CCSER1: variants seen among roughly 807,000 people sequenced by gnomAD.
The protein encoded by CCSER1 is coiled-coil serine rich protein 1.
In CCSER1, 41 loss-of-function variants were observed where a neutral mutation model predicts 82.0. The ratio of observed to expected loss-of-function variants is 0.50; its 90% CI spans 0.39 to 0.65. The LOEUF (loss-of-function observed/expected upper bound fraction) is 0.65, where lower values mean the gene tolerates loss of function less well. Ranked by LOEUF, CCSER1 falls within the 30% of genes least tolerant of loss-of-function variation. The pLI, the probability that CCSER1 is intolerant of heterozygous loss-of-function variation, is 0.00. For missense variants in CCSER1, 1,119 were observed against 1,064.2 expected (o/e 1.05, Z -0.72); for synonymous variants, 414 against 383.9 (o/e 1.08, Z -0.92).
At chr4:90,904,029 C>T (rs1010572982) in intron 8 of CCSER1, among the ~76,000 whole-genome samples, 26 of 151,930 alleles carry the variant, frequency 1.7e-4, no homozygotes, top group African/African-American at 6.3e-4. Context: ...AAGTTGGCAA[C>T]TTATGATTCT....
chr4:90,428,709 C>A (rs1448361697), intron 4 of CCSER1, among the ~76,000 whole-genome samples: 1 of 151,790 alleles, frequency 6.6e-6, no homozygotes, highest in African/African-American at 2.4e-5. Flanking sequence ...CAAGAAATTT[C>A]TCTTATAAGT....
intron 10 of CCSER1, among the ~76,000 whole-genome samples, chr4:91,378,569 A>G (rs1386913045): frequency 6.6e-6 from 1 of 152,174 alleles, no homozygotes; most frequent in Non-Finnish European, 1.5e-5. Flanking sequence ...ATTGGTGTAT[A>G]AGAATGCTTG....
chr4:90,889,040 CA>C (rs1243808410), intron 8 of CCSER1, among the ~76,000 whole-genome samples: 1 of 151,998 alleles, frequency 6.6e-6, no homozygotes, highest in South Asian at 2.1e-4. Context: ...AATACGTGAT[CA>C]ATATTCTACA....
chr4:90,632,476 A>G (rs1183297466), intron 6 of CCSER1, among the ~76,000 whole-genome samples: 1 of 151,866 alleles, frequency 6.6e-6, no homozygotes, highest in African/African-American at 2.4e-5. Context: ...TTTATAATAT[A>G]TAATATATAC....
chr4:90,675,551 T>C (rs991615365), intron 6 of CCSER1, among the ~76,000 whole-genome samples: 1 of 151,918 alleles, frequency 6.6e-6, no homozygotes, highest in African/African-American at 2.4e-5. Context: ...AGACCAATTT[T>C]TTTTTGCCTG....
At chr4:91,464,293 A>G (rs1297867116) in intron 10 of CCSER1, among the ~76,000 whole-genome samples, 1 of 152,176 alleles carries the variant, frequency 6.6e-6, no homozygotes, top group Non-Finnish European at 1.5e-5. Context: ...CTTTACAGAC[A>G]AGCAAATGCT....
intron 1 of CCSER1, among the ~76,000 whole-genome samples, chr4:90,221,182 A>G (rs1350327752): frequency 1.3e-5 from 2 of 152,166 alleles, no homozygotes; most frequent in African/African-American, 4.8e-5. Context: ...CTAAACTATT[A>G]TAAGTTTCCG....
At chr4:91,439,367 T>C (rs1578456616) in intron 10 of CCSER1, among the ~76,000 whole-genome samples, 2 of 152,178 alleles carry the variant, frequency 1.3e-5, no homozygotes, top group African/African-American at 4.8e-5. Flanking sequence ...CAGAATTTCA[T>C]ATCCAACCAA....
chr4:91,182,321 C>A (rs1321198452), intron 10 of CCSER1, among the ~76,000 whole-genome samples: 1 of 152,180 alleles, frequency 6.6e-6, no homozygotes, highest in Non-Finnish European at 1.5e-5. Context: ...ATTATTTTAC[C>A]TATTTCCCAA....
chr4:91,249,108 C>G (rs1483839195), intron 10 of CCSER1, among the ~76,000 whole-genome samples: 2 of 152,006 alleles, frequency 1.3e-5, no homozygotes, highest in African/African-American at 4.8e-5. Context: ...GAAATTATTG[C>G]TAAAATTTTT....
chr4:90,844,576 C>T (rs1407689172), intron 8 of CCSER1, among the ~76,000 whole-genome samples: 7 of 151,672 alleles, frequency 4.6e-5, no homozygotes, highest in African/African-American at 1.7e-4. Context: ...GTTACTAACC[C>T]CCTTCCTTCA....
chr4:90,276,234 CT>C (rs780095709), intron 1 of CCSER1, among the ~76,000 whole-genome samples: 1 of 109,120 alleles, frequency 9.2e-6, no homozygotes, highest in African/African-American at 3.7e-5. Context: ...TTCTTTCTTT[CT>C]TTCTTTCTTT....
intron 5 of CCSER1, among the ~76,000 whole-genome samples, chr4:90,475,336 G>A (rs947643691): frequency 3.3e-5 from 5 of 152,140 alleles, no homozygotes; most frequent in African/African-American, 9.7e-5. Context: ...CAAAAGAAAC[G>A]GCTAGTGTTT....
intron 8 of CCSER1, among the ~76,000 whole-genome samples, chr4:90,922,623 C>T (rs1374888233): frequency 6.6e-6 from 1 of 151,966 alleles, no homozygotes; most frequent in Non-Finnish European, 1.5e-5. Context: ...GTGGTATTTA[C>T]AGTACATATT....
intron 6 of CCSER1, among the ~76,000 whole-genome samples, chr4:90,721,985 T>G (rs1344954446): frequency 6.6e-6 from 1 of 151,720 alleles, no homozygotes; most frequent in Non-Finnish European, 1.5e-5. Context: ...TAGAATGACA[T>G]TCAAAGAATC....
chr4:90,176,003 GA>G (rs1173561100), intron 1 of CCSER1, among the ~76,000 whole-genome samples: 5 of 151,940 alleles, frequency 3.3e-5, no homozygotes, highest in Non-Finnish European at 2.9e-5. Context: ...TCATCAAGGG[GA>G]AAAATTGTAG....
At chr4:91,405,486 G>T (rs997343316) in intron 10 of CCSER1, among the ~76,000 whole-genome samples, 2 of 152,206 alleles carry the variant, frequency 1.3e-5, no homozygotes. Flanking sequence ...AAGAGCTTCT[G>T]CACAGCAAAA....
At chr4:90,809,184 G>C (rs1433456247) in intron 7 of CCSER1, among the ~76,000 whole-genome samples, 4 of 150,002 alleles carry the variant, frequency 2.7e-5, no homozygotes. Context: ...GCTAGGCATG[G>C]TAGCATATGC....
intron 10 of CCSER1, among the ~76,000 whole-genome samples, chr4:91,559,191 A>G (rs1762544071): frequency 6.6e-6 from 1 of 151,680 alleles, no homozygotes. Context: ...AGAGCATACT[A>G]CATAGAGTTA....
Sources: gnomAD v4.1 joint callset for allele counts (sites outside exome capture counted in the v4.1 genomes callset) on GRCh38, gnomAD v4.1.1 for gene constraint, MANE v1.5 for transcripts, NCBI Gene and HGNC (gene_info 2026-07-23, HGNC 2026-07-21) for gene names.